DIP2C: variants seen among roughly 807,000 people sequenced by gnomAD.
The protein encoded by DIP2C is DIP2 acetate--CoA ligase C (putative), also known as disco-interacting protein 2 homolog C.
A neutral mutation model predicts 192.4 loss-of-function variants in DIP2C; 33 were observed. The observed-to-expected ratio is 0.17, with a 90% CI of 0.13 to 0.23. DIP2C has a LOEUF of 0.23. DIP2C is among the 10% of genes least tolerant of loss of function. The pLI, the probability that DIP2C is intolerant of heterozygous loss-of-function variation, is 1.00. For synonymous variants in DIP2C, 979 were observed against 864.1 expected (o/e 1.13, Z -2.33); for missense variants, 1,537 against 2,110.1 (o/e 0.73, Z 5.32).
At chr10:619,563 G>A (rs964113917) in intron 1 of DIP2C, among the ~76,000 whole-genome samples, 39 of 17,490 alleles carry the variant, frequency 2.2e-3, no homozygotes, top group African/African-American at 4.7e-3. Flanking sequence ...AGCTCCTCAC[G>A]CACTCCCGTG....
intron 1 of DIP2C, among the ~76,000 whole-genome samples, chr10:643,808 C>T (rs1242359257): frequency 1.3e-5 from 2 of 152,240 alleles, no homozygotes; most frequent in African/African-American, 4.8e-5. Flanking sequence ...GAGTTGCACA[C>T]ATCAATACTT....
chr10:618,477 G>A (rs901906150), intron 1 of DIP2C, among the ~76,000 whole-genome samples: 1 of 152,232 alleles, frequency 6.6e-6, no homozygotes, highest in Non-Finnish European at 1.5e-5. Flanking sequence ...CGCTCGCACT[G>A]CAGACAGAGC....
At chr10:343,025 C>T (rs554114645) in intron 28 of DIP2C, among the ~76,000 whole-genome samples, 42 of 152,330 alleles carry the variant, frequency 2.8e-4, no homozygotes, top group Non-Finnish European at 5.1e-4. Flanking sequence ...CAAGGTGGCT[C>T]ACGCCTGTGA....
intron 1 of DIP2C, among the ~76,000 whole-genome samples, chr10:515,400 CT>C (rs1346451382): frequency 6.6e-6 from 1 of 152,166 alleles, no homozygotes; most frequent in Non-Finnish European, 1.5e-5. Flanking sequence ...CATAGACTGG[CT>C]TTTGGTTCAT....
chr10:657,774 C>T (rs1856468715), intron 1 of DIP2C, among the ~76,000 whole-genome samples: 1 of 148,264 alleles, frequency 6.7e-6, no homozygotes, highest in African/African-American at 2.5e-5. Flanking sequence ...TGACGCTTGA[C>T]CTGATGCTGG....
At chr10:654,864 T>C (rs1418495662) in intron 1 of DIP2C, among the ~76,000 whole-genome samples, 1 of 152,256 alleles carries the variant, frequency 6.6e-6, no homozygotes, top group Non-Finnish European at 1.5e-5. Context: ...TATTCTATAC[T>C]ATTCCATTCT....
At chr10:687,228 A>G (rs938699788) in intron 1 of DIP2C, among the ~76,000 whole-genome samples, 2 of 152,250 alleles carry the variant, frequency 1.3e-5, no homozygotes, top group Non-Finnish European at 2.9e-5. Context: ...TTGGATTTCT[A>G]TTAAGCAATA....
intron 13 of DIP2C, among the ~76,000 whole-genome samples, chr10:388,221 A>G (rs1392186881): frequency 6.6e-6 from 1 of 152,184 alleles, no homozygotes; most frequent in Non-Finnish European, 1.5e-5. Context: ...GGGCCTACAC[A>G]GCTCTACTGC....
At chr10:341,437 G>C (rs1322257431) in intron 28 of DIP2C, 108 bp from the exon 29 acceptor site, 1 of 1,457,410 alleles carries the variant, frequency 6.9e-7, no homozygotes, top group Non-Finnish European at 9.5e-7. Flanking sequence ...CATCGGACCT[G>C]ACACCCTCAG....
chr10:446,999 A>G (rs943391923), intron 3 of DIP2C, among the ~76,000 whole-genome samples: 2 of 152,210 alleles, frequency 1.3e-5, no homozygotes, highest in Non-Finnish European at 2.9e-5. Flanking sequence ...ATAATTTGTA[A>G]AAAGCTTCGG....
chr10:596,006 C>T (rs371186820), intron 1 of DIP2C, among the ~76,000 whole-genome samples: 8 of 152,260 alleles, frequency 5.3e-5, no homozygotes, highest in African/African-American at 1.9e-4. Flanking sequence ...AAATAAGCAC[C>T]AAGGCTGGGG....
At chr10:312,979 T>C (rs1360670443) in intron 31 of DIP2C, among the ~76,000 whole-genome samples, 2 of 152,212 alleles carry the variant, frequency 1.3e-5, no homozygotes, top group Non-Finnish European at 2.9e-5. Flanking sequence ...AGTACCTCAT[T>C]TCCTATCTTG....
At chr10:280,536 GC>G (rs1359300515) in intron 36 of DIP2C, among the ~76,000 whole-genome samples, 1 of 152,210 alleles carries the variant, frequency 6.6e-6, no homozygotes, top group African/African-American at 2.4e-5. Flanking sequence ...CGGCACTCCA[GC>G]ATCCAATCCA....
intron 1 of DIP2C, among the ~76,000 whole-genome samples, chr10:637,685 C>G (rs141457751): frequency 6.6e-6 from 1 of 152,202 alleles, no homozygotes; most frequent in African/African-American, 2.4e-5. Flanking sequence ...ATTACAAAAG[C>G]CCATCATTTA....
rs180801528 is a variant in DIP2C at position 401,446 on chromosome 10, G to A, written c.1150-2227C>T. Among the ~76,000 whole-genome samples, 897 of 117,328 alleles carry A rather than the reference G, an allele frequency of 7.6e-3. 11 individuals are homozygous for A. The highest frequency in any genetic ancestry group is 0.011 in the Middle Eastern group (2 of 188). The allele number at this position is 117,328 out of a possible 152,430, so 77.0% of individuals were successfully genotyped here. A position where few individuals can be genotyped will look rare whatever the true frequency, so the allele number is the denominator to read the frequency against. On this transcript the variant is annotated intron_variant, in intron 9 of 36. Coordinates refer to ENST00000280886, the MANE Select transcript of DIP2C (RefSeq NM_014974.3). Reference sequence around the variant, plus strand: ...ATTTTACATGTGTGGTAGCATTAGCGTTACTATTCCTTATGGACAAGTTTC... The same window carrying A: ...ATTTTACATGTGTGGTAGCATTAGCATTACTATTCCTTATGGACAAGTTTC...
intron 22 of DIP2C, among the ~76,000 whole-genome samples, chr10:360,525 A>T (rs767055275): frequency 4.5e-4 from 69 of 152,214 alleles, no homozygotes; most frequent in Non-Finnish European, 2.4e-4. Flanking sequence ...CGCTCAGGGC[A>T]CAGGGCGGGA....
intron 9 of DIP2C, 95 bp downstream of exon 9, chr10:408,831 G>C (rs1964991274): frequency 2.5e-6 from 3 of 1,198,334 alleles, no homozygotes; most frequent in Admixed American, 4.6e-5. Flanking sequence ...ATAGAAAGTG[G>C]AGGTGGCGCT....
At chr10:647,442 T>C (rs527644382) in intron 1 of DIP2C, among the ~76,000 whole-genome samples, 4 of 147,856 alleles carry the variant, frequency 2.7e-5, no homozygotes, top group South Asian at 4.3e-4. Flanking sequence ...CACATCCACA[T>C]TGGATGGTGG....
chr10:511,127 G>T, intron 1 of DIP2C, among the ~76,000 whole-genome samples: 1 of 152,220 alleles, frequency 6.6e-6, no homozygotes, highest in Non-Finnish European at 1.5e-5. Flanking sequence ...TGGAACAAAA[G>T]CCTTGGCCTG....
Sources: gnomAD v4.1 joint callset for allele counts (sites outside exome capture counted in the v4.1 genomes callset) on GRCh38, gnomAD v4.1.1 for gene constraint, MANE v1.5 for transcripts, NCBI Gene and HGNC (gene_info 2026-07-23, HGNC 2026-07-21) for gene names.